Variants in FAM135A observed in about 807,000 individuals in gnomAD.
The protein encoded by FAM135A is family with sequence similarity 135 member A.
A neutral mutation model predicts 146.8 loss-of-function variants in FAM135A; 79 were observed. The observed-to-expected ratio is 0.54, with a 90% confidence interval of 0.45 to 0.65. The LOEUF is 0.65. FAM135A is among the 30% of genes least tolerant of loss of function. The pLI, the probability that FAM135A is intolerant of heterozygous loss-of-function variation, is 0.00. For synonymous variants in FAM135A, 562 were observed against 603.6 expected, an observed-to-expected ratio of 0.93 and a Z score of 1.01; for missense variants, 1,623 against 1,758.2, an observed-to-expected ratio of 0.92 and a Z score of 1.38.
At chr6:70,478,941 A>G (rs1290781816) in intron 8 of FAM135A, among the ~76,000 whole-genome samples, 1 of 152,126 alleles carries the variant, frequency 6.6e-6, no homozygotes, top group East Asian at 1.9e-4. Context: ...TTGAAATATA[A>G]CTTTTAAATA....
intron 13 of FAM135A, among the ~76,000 whole-genome samples, chr6:70,522,880 C>T (rs998971833): frequency 7.9e-5 from 12 of 152,222 alleles, no homozygotes; most frequent in Admixed American, 5.9e-4. Flanking sequence ...TTCCATTTAG[C>T]CATATTCTGT....
At chr6:70,510,839 T>A (rs1484475132) in intron 12 of FAM135A, among the ~76,000 whole-genome samples, 1 of 152,034 alleles carries the variant, frequency 6.6e-6, no homozygotes, top group African/African-American at 2.4e-5. Context: ...TTGAGGAACA[T>A]CCAAACTGTT....
In FAM135A at chr6:70,560,427, A is replaced by C. The variant is rs369662491; in HGVS notation, c.*506A>C. On this transcript the variant is annotated 3_prime_UTR_variant, in exon 22 of 22. Transcript: ENST00000418814. ...TGAAATCAACTTCTGTAGTTCTAAAATACAACTTTATCATACAATCAAACC... is the reference window on the plus strand; with the variant it reads ...TGAAATCAACTTCTGTAGTTCTAAACTACAACTTTATCATACAATCAAACC... The C allele has an allele frequency of 2.0e-5, 3 of 153,282 alleles. No individual in the cohort carries two copies. The East Asian group carries it at 5.8e-4, about 29-fold the overall frequency. 9.5% of individuals were successfully genotyped at this position (153,282 alleles called of 1,614,324 possible).
At chr6:70,432,842 A>G (rs973292528) in intron 4 of FAM135A, among the ~76,000 whole-genome samples, 2 of 151,838 alleles carry the variant, frequency 1.3e-5, no homozygotes, top group Non-Finnish European at 2.9e-5. Context: ...CCTACAATTC[A>G]GAAGTACTTA....
chr6:70,558,658 A>G (rs1312179165), intron 21 of FAM135A, among the ~76,000 whole-genome samples: 1 of 152,146 alleles, frequency 6.6e-6, no homozygotes, highest in Non-Finnish European at 1.5e-5. Context: ...AAAATAAAAA[A>G]TTAGCTAGGC....
intron 2 of FAM135A, among the ~76,000 whole-genome samples, chr6:70,419,932 A>T (rs1768430997): frequency 6.6e-6 from 1 of 152,198 alleles, no homozygotes; most frequent in African/African-American, 2.4e-5. Context: ...TGAGAGTGAT[A>T]TATTCGTTGC....
At chr6:70,428,512 G>A in intron 4 of FAM135A, 93 bp downstream of exon 4, 4 of 724,566 alleles carry the variant, frequency 5.5e-6, no homozygotes, top group South Asian at 5.6e-5. Flanking sequence ...GCATATATAA[G>A]GAAAACAATG....
intron 11 of FAM135A, among the ~76,000 whole-genome samples, chr6:70,499,619 C>T (rs768850829): frequency 2.0e-5 from 3 of 152,152 alleles, no homozygotes; most frequent in East Asian, 3.9e-4. Flanking sequence ...TGGCTGGTAC[C>T]GGTTTTCCTT....
chr6:70,487,661 TA>T (rs1399538650), intron 10 of FAM135A, among the ~76,000 whole-genome samples: 1 of 152,152 alleles, frequency 6.6e-6, no homozygotes, highest in Non-Finnish European at 1.5e-5. Context: ...AACATAGTAT[TA>T]TATTCTCATA....
intron 19 of FAM135A, among the ~76,000 whole-genome samples, 187 bp downstream of exon 19, chr6:70,536,598 G>T (rs999650310): frequency 6.6e-6 from 1 of 151,948 alleles, no homozygotes; most frequent in Admixed American, 6.6e-5. Flanking sequence ...TTTAGAAAAT[G>T]GCTTTTCTTA....
intron 5 of FAM135A, among the ~76,000 whole-genome samples, chr6:70,454,212 A>G (rs912748146): frequency 4.6e-5 from 7 of 152,316 alleles, no homozygotes; most frequent in Middle Eastern, 3.4e-3. Flanking sequence ...TTCTTTTGAA[A>G]AGTGTCTGTT....
Position 70,522,650 on chromosome 6 carries a change from G to C in FAM135A, c.1103+64G>C. 1.6e-6 allele frequency: 2 copies of C among 1,282,158 alleles called. 1 individual carries two copies. The highest frequency in any genetic ancestry group is 2.2e-6 in the Non-Finnish European group (2 of 892,930). The allele number at this position is 1,282,158 out of a possible 1,614,324, so 79.4% of individuals were successfully genotyped here. On this transcript the variant is annotated intron_variant, in intron 13 of 21. Transcript: ENST00000418814. ...CCTTTTACATAAGATACCTGTCTCA[G>C]AATTTATCAGTGACAGAATATACAG...
intron 19 of FAM135A, among the ~76,000 whole-genome samples, chr6:70,537,084 C>T (rs917708069): frequency 2.8e-4 from 43 of 151,948 alleles, no homozygotes; most frequent in African/African-American, 8.0e-4. Context: ...TACAGGCATA[C>T]GCCACCATAC....
intron 5 of FAM135A, among the ~76,000 whole-genome samples, chr6:70,464,779 A>G (rs1324430164): frequency 1.4e-5 from 2 of 138,766 alleles, no homozygotes; most frequent in Admixed American, 7.7e-5. Context: ...CGATTCGCCC[A>G]TCTCAGACTC....
At chr6:70,478,450 G>GAT (rs1321016085) in intron 8 of FAM135A, among the ~76,000 whole-genome samples, 2 of 152,108 alleles carry the variant, frequency 1.3e-5, no homozygotes, top group African/African-American at 4.8e-5. Flanking sequence ...ATGCTTAAGG[G>GAT]ATATGATGGT....
chr6:70,513,037 G>A (rs1167079452), intron 12 of FAM135A, among the ~76,000 whole-genome samples: 1 of 150,816 alleles, frequency 6.6e-6, no homozygotes, highest in Non-Finnish European at 1.5e-5. Flanking sequence ...ACACTTTTCT[G>A]ACTCTATGGA....
chr6:70,436,394 A>G (rs1773173109), intron 4 of FAM135A, among the ~76,000 whole-genome samples: 1 of 152,114 alleles, frequency 6.6e-6, no homozygotes, highest in Non-Finnish European at 1.5e-5. Flanking sequence ...GTACTCCGCA[A>G]TTTGTTTTCT....
chr6:70,454,405 A>G (rs1777829169), intron 5 of FAM135A, among the ~76,000 whole-genome samples: 1 of 152,038 alleles, frequency 6.6e-6, no homozygotes, highest in Non-Finnish European at 1.5e-5. Flanking sequence ...GAAGCTCTTT[A>G]GTTTAGTTAG....
chr6:70,526,223 A>T lies in FAM135A; in HGVS notation c.3139A>T (p.Ser1047Cys). The T allele has an allele frequency of 6.2e-7, 1 of 1,613,544 alleles. No individual in the cohort carries two copies. The change falls in exon 15 of 22, where the codon AGC becomes TGC. Residue 1047 changes from serine to cysteine, a missense_variant. Ser to Cys is a moderately radical substitution (Grantham distance 112). Coordinates refer to ENST00000418814, the MANE Select transcript of FAM135A (RefSeq NM_001162529.3). ...TGTGGAAAATTATTTTGGTTCTCAAAGCAGTACGGATATTTCTGACACATG... is the reference window on the plus strand; with the variant it reads ...TGTGGAAAATTATTTTGGTTCTCAATGCAGTACGGATATTTCTGACACATG... ...GLVENYFGSQ[S>C]STDISDTCAV...
Sources: allele counts gnomAD v4.1 joint callset (sites outside exome capture counted in the v4.1 genomes callset), GRCh38; gene constraint gnomAD v4.1.1; transcripts MANE v1.5; gene names NCBI Gene and HGNC (gene_info 2026-07-23, HGNC 2026-07-21).